ADAMTS17: variants seen among roughly 807,000 people sequenced by gnomAD.
The protein encoded by ADAMTS17 is ADAM metallopeptidase with thrombospondin type 1 motif 17, also known as A disintegrin and metalloproteinase with thrombospondin motifs 17.
A neutral mutation model predicts 141.5 loss-of-function variants in ADAMTS17; 113 were observed. The ratio of observed to expected loss-of-function variants is 0.80; its 90% CI spans 0.69 to 0.93. The LOEUF (loss-of-function observed/expected upper bound fraction) is 0.93. ADAMTS17 is among the 40% of genes least tolerant of loss of function. The probability of loss-of-function intolerance (pLI) is 0.00; values close to 1 mark genes in which losing one functional copy is unlikely to be tolerated. For synonymous variants in ADAMTS17, 768 were observed against 630.6 expected (o/e 1.22, Z -3.27); for missense variants, 1,659 against 1,517.9 (o/e 1.09, Z -1.54).
At chr15:100,032,776 G>T (rs1246152774) in intron 18 of ADAMTS17, among the ~76,000 whole-genome samples, 1 of 152,212 alleles carries the variant, frequency 6.6e-6, no homozygotes, top group Non-Finnish European at 1.5e-5. Context: ...AGCTGGGAAA[G>T]CTACTTAATG....
chr15:100,198,781 C>T (rs1369662716), intron 8 of ADAMTS17, among the ~76,000 whole-genome samples: 1 of 152,194 alleles, frequency 6.6e-6, no homozygotes, highest in Non-Finnish European at 1.5e-5. Flanking sequence ...GAGGTTGCCT[C>T]GGACTCTCCT....
At chr15:100,082,086 C>T (rs868742283) in intron 15 of ADAMTS17, among the ~76,000 whole-genome samples, 29 of 152,022 alleles carry the variant, frequency 1.9e-4, no homozygotes, top group African/African-American at 6.8e-4. Flanking sequence ...TCTTTGAGAC[C>T]AAGAGTCTTG....
intron 7 of ADAMTS17, among the ~76,000 whole-genome samples, chr15:100,205,190 A>G (rs544842107): frequency 5.9e-5 from 9 of 152,294 alleles, no homozygotes; most frequent in African/African-American, 2.2e-4. Flanking sequence ...TGGTAAGAGA[A>G]TCACACGAGT....
chr15:100,338,889 CCCAAA>C, intron 2 of ADAMTS17: 1 of 961,112 alleles, frequency 1.0e-6, no homozygotes, highest in South Asian at 4.8e-5. Flanking sequence ...ACTTGGTTAG[CCCAAA>C]TTCCTGTTGC....
At position 100,127,476 on chromosome 15, in the gene ADAMTS17, T is replaced by A. The variant is rs979351450; in HGVS notation, c.1721+4531A>T. 5.3e-5 allele frequency among the ~76,000 whole-genome samples: 8 copies of A among 152,302 alleles called. No homozygotes were observed. In the South Asian group the frequency reaches 1.7e-3, roughly 32 times the overall value. On this transcript the variant is annotated intron_variant, in intron 12 of 21. Transcript: ENST00000268070. ...GGAAGCACTGTGCTGACACCTTGAT[T>A]TTGGACTTCTGGTTTCTAGAACTGG...
intron 15 of ADAMTS17, among the ~76,000 whole-genome samples, chr15:100,078,533 G>A (rs1020509910): frequency 2.6e-5 from 4 of 151,106 alleles, no homozygotes; most frequent in African/African-American, 9.9e-5. Flanking sequence ...GGATGAAGTT[G>A]TACACCTATT....
intron 8 of ADAMTS17, among the ~76,000 whole-genome samples, chr15:100,195,721 T>TAC (rs1212137070): frequency 6.6e-6 from 1 of 150,650 alleles, no homozygotes; most frequent in Non-Finnish European, 1.5e-5. Context: ...CTCTCCATGA[T>TAC]ACGGTCATTG....
rs567741306 is a variant in ADAMTS17, at chr15:100,340,269, C to T, written c.450+770G>A. ...GGGCAAGTGCACACAAGAACCCCCC[C>T]TCCCCCTGGGAGCACCTGTTCCGGG... On this transcript the variant is annotated intron_variant, in intron 2 of 21. Transcript: ENST00000268070. 1.6e-3 allele frequency among the ~76,000 whole-genome samples: 241 copies of T among 152,324 alleles called. 1 individual carries two copies. The highest frequency in any genetic ancestry group is 5.6e-3 in the African/African-American group (231 of 41,568).
Position 100,341,199 on chromosome 15 carries a change from C to T in ADAMTS17, c.290G>A (p.Arg97His). Residue 97 changes from arginine to histidine, a missense_variant, in exon 2 of 22, where the codon CGC becomes CAC. By Grantham distance (29) the Arg-to-His change is conservative (BLOSUM62 0). Coordinates refer to ENST00000268070, the MANE Select transcript of ADAMTS17 (RefSeq NM_139057.4). ...AFGRDLYLQL[R>H]RDLRFLSRGF... ...TCGGGACAGGAAGCGCAGGTCGCGGCGCAGCTGAAGGTACAGGTCGCGCCC... is the reference window on the plus strand; with the variant it reads ...TCGGGACAGGAAGCGCAGGTCGCGGTGCAGCTGAAGGTACAGGTCGCGCCC... The T allele has an allele frequency of 6.8e-7, 1 of 1,461,876 alleles. No individual in the cohort carries two copies. The highest frequency in any genetic ancestry group is 9.0e-7 in the Non-Finnish European group (1 of 1,110,508). 90.6% of individuals were successfully genotyped at this position (1,461,876 alleles called of 1,614,324 possible).
At chr15:100,194,345 G>T (rs1385014446) in intron 8 of ADAMTS17, among the ~76,000 whole-genome samples, 1 of 152,128 alleles carries the variant, frequency 6.6e-6, no homozygotes, top group African/African-American at 2.4e-5. Flanking sequence ...ACCTCCCCTG[G>T]ACCTAGCTGC....
At chr15:100,198,934 G>C (rs2041219678) in intron 8 of ADAMTS17, among the ~76,000 whole-genome samples, 1 of 152,154 alleles carries the variant, frequency 6.6e-6, no homozygotes, top group South Asian at 2.1e-4. Context: ...AGAATTGGCA[G>C]AAAAAGACAT....
intron 7 of ADAMTS17, among the ~76,000 whole-genome samples, chr15:100,233,868 G>A (rs1008343603): frequency 1.3e-5 from 2 of 152,078 alleles, no homozygotes; most frequent in Non-Finnish European, 2.9e-5. Flanking sequence ...GGCTTCCCGG[G>A]AGTGAGCACC....
At position 100,074,259 on chromosome 15, in the gene ADAMTS17, C is replaced by T. The variant is rs146895143; in HGVS notation, c.2138-20205G>A. The T allele has an allele frequency of 4.0e-4, 61 of 152,414 alleles. 1 individual carries two copies. The highest frequency in any genetic ancestry group is 2.5e-4 in the Non-Finnish European group (17 of 68,010). The allele number at this position is 152,414 out of a possible 1,614,324, so 9.4% of individuals were successfully genotyped here. A position where few individuals can be genotyped will look rare whatever the true frequency, so the allele number is the denominator to read the frequency against. On this transcript the variant is annotated intron_variant, in intron 15 of 21. Coordinates refer to ENST00000268070, the MANE Select transcript of ADAMTS17 (RefSeq NM_139057.4). ...GTCAAATATTCCTGGAGAGAATGTACACCTTTGTTTTGTTTTTTATTACAA... is the reference window on the plus strand; with the variant it reads ...GTCAAATATTCCTGGAGAGAATGTATACCTTTGTTTTGTTTTTTATTACAA...
At chr15:100,145,929 T>C (rs915949300) in intron 10 of ADAMTS17, among the ~76,000 whole-genome samples, 1 of 152,204 alleles carries the variant, frequency 6.6e-6, no homozygotes, top group African/African-American at 2.4e-5. Flanking sequence ...TCCCAGCACT[T>C]TGGGAGGCCA....
chr15:99,973,167 ACCTT>A lies in ADAMTS17; in HGVS notation c.*1231_*1234del, dbSNP rs10549565. 0.63 allele frequency: 95,797 copies of A among 151,218 alleles called. 30,510 individuals carry two copies. The highest frequency in any genetic ancestry group is 0.66 in the Non-Finnish European group (44,582 of 67,836). The allele number at this position is 151,218 out of a possible 1,614,324, so 9.4% of individuals were successfully genotyped here. A position where few individuals can be genotyped will look rare whatever the true frequency, so the allele number is the denominator to read the frequency against. ...CGTAAGGGGGCTGCAGGGGGGAAGG[ACCTT>A]CCTTCATCATGCATCATCCTTGCCC... On this transcript the variant is annotated 3_prime_UTR_variant, in exon 22 of 22. Coordinates refer to ENST00000268070, the MANE Select transcript of ADAMTS17 (RefSeq NM_139057.4).
intron 6 of ADAMTS17, among the ~76,000 whole-genome samples, chr15:100,256,129 T>C (rs1163002305): frequency 4.6e-5 from 7 of 152,184 alleles, no homozygotes; most frequent in Non-Finnish European, 7.4e-5. Flanking sequence ...GGCACTCACT[T>C]TTTAGGTCAT....
intron 15 of ADAMTS17, among the ~76,000 whole-genome samples, chr15:100,059,863 AT>A (rs554785052): frequency 6.6e-6 from 1 of 151,902 alleles, no homozygotes; most frequent in African/African-American, 2.4e-5. Flanking sequence ...TGCATAATGT[AT>A]TTTTTTTCCT....
intron 7 of ADAMTS17, among the ~76,000 whole-genome samples, chr15:100,219,509 C>T (rs149051523): frequency 1.3e-5 from 2 of 152,110 alleles, no homozygotes; most frequent in East Asian, 1.9e-4. Context: ...CACTCATAAC[C>T]CCATCCCTAT....
chr15:100,159,039 G>C (rs577608377), intron 8 of ADAMTS17, among the ~76,000 whole-genome samples: 5 of 152,078 alleles, frequency 3.3e-5, no homozygotes, highest in Non-Finnish European at 5.9e-5. Context: ...AAATGGTATA[G>C]ATGCTATGAA....
Sources: allele counts gnomAD v4.1 joint callset (sites outside exome capture counted in the v4.1 genomes callset), GRCh38; gene constraint gnomAD v4.1.1; transcripts MANE v1.5; gene names NCBI Gene and HGNC (gene_info 2026-07-23, HGNC 2026-07-21).